PYGM: variants seen among roughly 807,000 people sequenced by gnomAD.
PYGM encodes the protein glycogen phosphorylase, muscle associated.
In PYGM, 81 loss-of-function variants were observed where a neutral mutation model predicts 99.3. The ratio of observed to expected loss-of-function variants is 0.82; its 90% confidence interval spans 0.68 to 0.98. The LOEUF (loss-of-function observed/expected upper bound fraction) is 0.98, where lower values mean the gene tolerates loss of function less well. Among genes scored for constraint, PYGM ranks in the 50% least tolerant of loss-of-function variants. PYGM has a pLI of 0.00. For synonymous variants in PYGM, 436 were observed against 451.5 expected (o/e 0.97, Z 0.44); for missense variants, 1,030 against 1,158.1 (o/e 0.89, Z 1.61).
At position 64,754,492 on chromosome 11, in the gene PYGM, G is replaced by A; in HGVS notation, c.1000-147C>T. 2 of 950,494 alleles carry A rather than the reference G, an allele frequency of 2.1e-6. No homozygotes were observed. Among genetic ancestry groups the A allele is most frequent in the Non-Finnish European group, 3.2e-6 (2 of 626,802 alleles). 58.9% of individuals were successfully genotyped at this position (950,494 alleles called of 1,614,324 possible). The stretch of plus-strand genomic sequence containing the variant: ...AGGCAGGCCGGTGCTCATGGGGGTG[G>A]GAGGAATGGGGGGAGTGGGGCGGGA... On this transcript the variant is annotated intron_variant, in intron 8 of 19. Transcript: ENST00000164139. The surrounding 1 kb of genome is among the most constrained non-coding windows in gnomAD (Gnocchi z 5.5).
At position 64,758,633 on chromosome 11, in the gene PYGM, TA is replaced by T; in HGVS notation, c.314del (p.Leu105Ter). The T allele has an allele frequency of 6.2e-7, 1 of 1,613,710 alleles. No homozygotes were observed. On this transcript the variant is annotated frameshift_variant, in exon 2 of 20. Coordinates refer to ENST00000164139, the MANE Select transcript of PYGM (RefSeq NM_005609.4). LOFTEE classifies it high-confidence loss of function. ...AGGTGGCCTCGTCACAGGCATTCTC[TA>T]AGGCCAGGTTCACCATGGTGTTCTG... The part of the protein sequence containing the change: ...TLQNTMVNLA[L>X]ENACDEATYQ...
intron 10 of PYGM, 27 bp downstream of exon 10, chr11:64,753,852 C>T (rs748121511): frequency 1.0e-4 from 162 of 1,555,362 alleles, no homozygotes; most frequent in Non-Finnish European, 1.4e-4. Flanking sequence ...CTCACCCCCA[C>T]ACCATCCCCC....
rs768705275 is a variant in PYGM, at chr11:64,751,566, G to T, written c.1827+31C>A. The T allele has an allele frequency of 5.6e-6, 9 of 1,613,886 alleles. No homozygotes were observed. The South Asian group carries it at 9.9e-5, about 18-fold the overall frequency. ...CCTCAACCTGGATATATCAAAGGAC[G>T]GGAGCCCAGGGCTGGAGCCTGGCTT... On this transcript the variant is annotated intron_variant, in intron 15 of 19. Transcript: ENST00000164139.
At chr11:64,749,456 C>T (rs1292221849) in intron 17 of PYGM, among the ~76,000 whole-genome samples, 2 of 151,692 alleles carry the variant, frequency 1.3e-5, no homozygotes, top group East Asian at 2.0e-4. Context: ...TCCTGGCTAA[C>T]ATGGTGAAAC....
Position 64,750,502 on chromosome 11 carries a change from A to G in PYGM, c.2051T>C (p.Leu684Pro), listed in dbSNP as rs758730269. ...GGTGCCAATGGTCAGAGCCCCGTTG[A>G]GCATGAACTTCATGTTGCCGGTGCC... ...ASGTGNMKFM[L>P]NGALTIGTMD... Residue 684 changes from leucine to proline, a missense_variant, in exon 17 of 20, where the codon CTC (leucine) becomes CCC (proline). Coordinates refer to ENST00000164139, the MANE Select transcript of PYGM (RefSeq NM_005609.4). 2 of 1,614,218 alleles carry G rather than the reference A, an allele frequency of 1.2e-6. No individual in the cohort carries two copies. The highest frequency in any genetic ancestry group is 2.2e-5 in the South Asian group (2 of 91,090).
At position 64,751,925 on chromosome 11, in the gene PYGM, G is replaced by T; in HGVS notation, c.1767C>A (p.Asn589Lys). ...CAGGGTAGAGTGGCTGCCACTCACGGTTGTACAGGGTGATGACATGGAGGC... is the reference window on the plus strand; with the variant it reads ...CAGGGTAGAGTGGCTGCCACTCACGTTTGTACAGGGTGATGACATGGAGGC... ...LNCLHVITLY[N>K]RIKREPNKFF... is the part of the protein sequence containing the mutation. Residue 589 changes from asparagine (N) to lysine (K), a missense_variant and splice_region_variant, in exon 14 of 20, where the codon AAC becomes AAA. By Grantham distance (94) the Asn-to-Lys change is moderately conservative. Coordinates refer to ENST00000164139, the MANE Select transcript of PYGM (RefSeq NM_005609.4). The T allele has an allele frequency of 6.2e-7, 1 of 1,614,180 alleles. No homozygotes were observed. The highest frequency in any genetic ancestry group is 8.5e-7 in the Non-Finnish European group (1 of 1,180,032).
At chr11:64,756,996 T>C (rs2058398350) in intron 5 of PYGM, among the ~76,000 whole-genome samples, 1 of 151,972 alleles carries the variant, frequency 6.6e-6, no homozygotes, top group Non-Finnish European at 1.5e-5. Context: ...AGACGAGGTC[T>C]GGCTCTGTCA....
chr11:64,755,361 G>A lies in PYGM; in HGVS notation c.773-6C>T, dbSNP rs1367711630. 2.5e-6 allele frequency: 4 copies of A among 1,613,998 alleles called. No individual in the cohort carries two copies. Among genetic ancestry groups the A allele is most frequent in the Admixed American group, 1.7e-5 (1 of 60,008 alleles). ...GATGTAGCCACCGACATTGACTGAG[G>A]GACAAAAGTGGGGACAGGGTAAGGC... On this transcript the variant is annotated splice_polypyrimidine_tract_variant and splice_region_variant and intron_variant, in intron 6 of 19. Coordinates refer to ENST00000164139, the MANE Select transcript of PYGM (RefSeq NM_005609.4). The surrounding 1 kb of genome is among the most constrained non-coding windows in gnomAD (Gnocchi z 4.1).
intron 5 of PYGM, among the ~76,000 whole-genome samples, chr11:64,757,511 T>C (rs189073087): frequency 2.9e-4 from 44 of 152,258 alleles, no homozygotes; most frequent in Admixed American, 3.9e-4. Context: ...ATAAATCTCA[T>C]GGTGTGGAGT....
rs1056163476 is a variant in PYGM at position 64,755,845 on chromosome 11, C to A, written c.661-287G>T. Reference sequence around the variant, plus strand: ...ATAAGCCCGGAACCCAGGAGGGGCTCTGTTGGCGACCACTCTGCAGCAATG... The same window carrying A: ...ATAAGCCCGGAACCCAGGAGGGGCTATGTTGGCGACCACTCTGCAGCAATG... On this transcript the variant is annotated intron_variant, in intron 5 of 19. Transcript: ENST00000164139. This position sits in a 1 kb window ranked among gnomAD's most constrained non-coding sequence, Gnocchi z 4.1. Among the ~76,000 whole-genome samples the A allele has an allele frequency of 2.0e-5, 3 of 152,216 alleles. No homozygotes were observed. The highest frequency in any genetic ancestry group is 7.2e-5 in the African/African-American group (3 of 41,464).
intron 4 of PYGM, 128 bp downstream of exon 4, chr11:64,758,118 G>C (rs1160148089): frequency 7.3e-7 from 1 of 1,361,156 alleles, no homozygotes; most frequent in Non-Finnish European, 1.0e-6. Context: ...GGGTCGGGGG[G>C]TGGGGAGCAG....
chr11:64,758,573 T>TC (rs1199632549), intron 2 of PYGM, 30 bp downstream of exon 2: 2 of 1,612,730 alleles, frequency 1.2e-6, no homozygotes, highest in Admixed American at 1.7e-5. Flanking sequence ...AATCCCCCAG[T>TC]CCCCACGGCT....
In PYGM at chr11:64,755,567, G is replaced by T; in HGVS notation, c.661-9C>A. The T allele has an allele frequency of 1.9e-6, 3 of 1,611,186 alleles. No homozygotes were observed. Among genetic ancestry groups the T allele is most frequent in the Non-Finnish European group, 2.5e-6 (3 of 1,177,552 alleles). On this transcript the variant is annotated splice_polypyrimidine_tract_variant and intron_variant, in intron 5 of 19. Coordinates refer to ENST00000164139, the MANE Select transcript of PYGM (RefSeq NM_005609.4). This position sits in a 1 kb window ranked among gnomAD's most constrained non-coding sequence, Gnocchi z 4.1. ...GGCATGGCCAGTACCACCTGCGGGG[G>T]GCAATCCTGTCAGGAGCTGGCCAGC...
chr11:64,754,020 C>G lies in PYGM; in HGVS notation c.1098G>C (p.Trp366Cys). 1 of 1,601,394 alleles carries G rather than the reference C, an allele frequency of 6.2e-7. No homozygotes were observed. The highest frequency in any genetic ancestry group is 1.1e-5 in the South Asian group (1 of 89,244). ...AGGCACAGGTCCTCACTGTCACATC[C>G]CACGCCTGGCACACGGGGTGGGCAG... is the stretch of plus-strand genomic sequence containing the variant. ...DLERMDWDKAWDVTVRTCAYT... is the reference protein window; with the variant it reads ...DLERMDWDKACDVTVRTCAYT... Residue 366 changes from tryptophan (W) to cysteine (C), a missense_variant, in exon 10 of 20, where the codon TGG (tryptophan) becomes TGC (cysteine). Coordinates refer to ENST00000164139, the MANE Select transcript of PYGM (RefSeq NM_005609.4). The surrounding 1 kb of genome is among the most constrained non-coding windows in gnomAD (Gnocchi z 5.5).
Position 64,753,623 on chromosome 11 carries a change from C to G in PYGM, c.1299G>C (p.Glu433Asp). 1 of 1,609,104 alleles carries G rather than the reference C, an allele frequency of 6.2e-7. No homozygotes were observed. The highest frequency in any genetic ancestry group is 8.5e-7 in the Non-Finnish European group (1 of 1,179,450). ...VDRLRRMSLV[E>D]EGAVKRINMA... ...TGTTGATGCGCTTCACTGCGCCCTC[C>G]TCCACCAGCGACATGCGCCGCAGCC... Residue 433 changes from glutamate to aspartate, a missense_variant, in exon 11 of 20, where the codon GAG (glutamate) becomes GAC (aspartate). Transcript: ENST00000164139.
At chr11:64,748,381 AGT>A (rs1259726169) in intron 17 of PYGM, 1 of 152,152 alleles carries the variant, frequency 6.6e-6, no homozygotes, top group African/African-American at 2.4e-5. Context: ...CCAGCTTTCT[AGT>A]GAAGCCTCAC....
chr11:64,759,774 TTTACGAGTG>T lies in PYGM; in HGVS notation c.116_124del (p.Thr39_Val41del), dbSNP rs2058421947. ...TCGTGGGGTGGCCACATTGCGGTCCTTTACGAGTGTGAAATGCAGGTGCCGGTTGAAGTT... is the reference window on the plus strand; with the variant it reads ...TCGTGGGGTGGCCACATTGCGGTCCTTGAAATGCAGGTGCCGGTTGAAGTT... On this transcript the variant is annotated inframe_deletion, in exon 1 of 20. Transcript: ENST00000164139. 1 of 1,614,066 alleles carries T rather than the reference TTTACGAGTG, an allele frequency of 6.2e-7. No homozygotes were observed. Among genetic ancestry groups the T allele is most frequent in the Non-Finnish European group, 8.5e-7 (1 of 1,180,026 alleles).
rs1176352993 is a variant in PYGM at position 64,750,515 on chromosome 11, T to C, written c.2038A>G (p.Met680Val). ...AGTEASGTGN[M>V]KFMLNGALTI... ...AGAGCCCCGTTGAGCATGAACTTCA[T>C]GTTGCCGGTGCCTGAGGCTTCAGTG... The change falls in exon 17 of 20, where the codon ATG becomes GTG. Residue 680 changes from methionine (M) to valine (V), a missense_variant. Met to Val is a conservative substitution (Grantham distance 21). Transcript: ENST00000164139. 2 of 1,614,102 alleles carry C rather than the reference T, an allele frequency of 1.2e-6. No homozygotes were observed. Among genetic ancestry groups the C allele is most frequent in the Non-Finnish European group, 1.7e-6 (2 of 1,180,044 alleles).
At chr11:64,757,999 C>T (rs572065858) in intron 4 of PYGM, 89 bp from the exon 5 acceptor site, 38 of 1,566,570 alleles carry the variant, frequency 2.4e-5, no homozygotes, top group East Asian at 1.8e-4. Flanking sequence ...GGCCGTGGGC[C>T]GGTGTACCCT....
Sources: gnomAD v4.1 joint callset for allele counts (sites outside exome capture counted in the v4.1 genomes callset) on GRCh38, gnomAD v4.1.1 for gene constraint, Gnocchi (gnomAD v3.1) non-coding constraint, MANE v1.5 for transcripts, NCBI Gene and HGNC (gene_info 2026-07-23, HGNC 2026-07-21) for gene names.